The following LMO4 variants were observed in gnomAD, a reference collection of about 807,000 sequenced individuals.
LMO4 encodes the protein LIM domain only 4.
LMO4 carries 3 observed loss-of-function variants against 18.5 expected under a neutral mutation model. The ratio of observed to expected loss-of-function variants is 0.16; its 90% CI spans 0.07 to 0.42. LMO4 has a LOEUF of 0.42. LMO4 is among the 10% of genes least tolerant of loss of function. The probability of loss-of-function intolerance (pLI) is 0.99; values close to 1 mark genes in which losing one functional copy is unlikely to be tolerated. For synonymous variants in LMO4, 100 were observed against 88.1 expected (o/e 1.14, Z -0.76); for missense variants, 121 against 219.9 (o/e 0.55, Z 2.84).
intron 4 of LMO4, 115 bp from the exon 5 acceptor site, chr1:87,344,673 G>A: frequency 1.9e-6 from 2 of 1,030,136 alleles, no homozygotes; most frequent in Non-Finnish European, 3.0e-6. Context: ...CAGTTGGAAA[G>A]TAATCTAATA....
intron 1 of LMO4, 134 bp from the exon 2 acceptor site, chr1:87,331,879 C>A (rs1650164259): frequency 4.3e-6 from 3 of 695,128 alleles, no homozygotes; most frequent in Non-Finnish European, 4.8e-6. Flanking sequence ...TCCTTCCCGC[C>A]CTTGCCCTGC....
At position 87,332,174 on chromosome 1, in the gene LMO4, C is replaced by T. The variant is rs1396759971; in HGVS notation, c.159C>T (p.Cys53=). The T allele has an allele frequency of 6.2e-7, 1 of 1,614,186 alleles. No homozygotes were observed. The highest frequency in any genetic ancestry group is 1.1e-5 in the South Asian group (1 of 91,086). The change falls in exon 2 of 5, where the codon TGC becomes TGT. Residue 53 remains cysteine, a synonymous_variant. Transcript: ENST00000370544. ...GCCGGTGCCTCAAGTGCTCCTGCTG[C>T]CAGGCGCAGCTGGGCGACATCGGCA... The part of the protein sequence containing the change: ...WHSRCLKCSC[C]QAQLGDIGTS...
intron 4 of LMO4, among the ~76,000 whole-genome samples, 200 bp downstream of exon 4, chr1:87,340,402 CCTGA>C (rs1650443798): frequency 6.6e-6 from 1 of 152,098 alleles, no homozygotes; most frequent in African/African-American, 2.4e-5. Flanking sequence ...AAAAAAAAAT[CCTGA>C]CTTTGTTATA....
chr1:87,333,358 G>GAAT (rs1650206353), intron 2 of LMO4, among the ~76,000 whole-genome samples: 1 of 151,426 alleles, frequency 6.6e-6, no homozygotes, highest in Non-Finnish European at 1.5e-5. Context: ...ACACTTTTAA[G>GAAT]AATTTCATCC....
chr1:87,331,850 T>TGATGTGTAGA, intron 1 of LMO4, 163 bp from the exon 2 acceptor site: 1 of 596,240 alleles, frequency 1.7e-6, no homozygotes, highest in Non-Finnish European at 2.9e-6. Context: ...GCCTCCCTTC[T>TGATGTGTAGA]TCCCTCTCCC....
intron 2 of LMO4, among the ~76,000 whole-genome samples, chr1:87,332,832 A>G (rs1267496387): frequency 1.3e-5 from 2 of 152,236 alleles, no homozygotes; most frequent in African/African-American, 4.8e-5. Flanking sequence ...TAGAGAAAAA[A>G]AAAGTCCCAA....
At position 87,329,050 on chromosome 1, in the gene LMO4, G is replaced by T. The variant is rs1412738240; in HGVS notation, c.-198G>T. 1.4e-5 allele frequency: 2 copies of T among 144,552 alleles called. No individual in the cohort carries two copies. The highest frequency in any genetic ancestry group is 1.4e-4 in the Admixed American group (2 of 14,552). The allele number at this position is 144,552 out of a possible 1,614,324, so 9.0% of individuals were successfully genotyped here. A position where few individuals can be genotyped will look rare whatever the true frequency, so the allele number is the denominator to read the frequency against. Reference sequence around the variant, plus strand: ...CACTTACGCGGGGGCCCCCCAACCCGCCCCAGAGCAACGCGATTTAAAAAA... The same window carrying T: ...CACTTACGCGGGGGCCCCCCAACCCTCCCCAGAGCAACGCGATTTAAAAAA... On this transcript the variant is annotated 5_prime_UTR_variant, in exon 1 of 5. Coordinates refer to ENST00000370544, the MANE Select transcript of LMO4 (RefSeq NM_006769.4).
At position 87,340,043 on chromosome 1, in the gene LMO4, T is replaced by A; in HGVS notation, c.334-4T>A. ...TTTTCAGTGGGTTTGTTTTTCCCTT[T>A]CAGTGTTTTACATGCTCTACCTGCC... On this transcript the variant is annotated splice_region_variant and splice_polypyrimidine_tract_variant and intron_variant, in intron 3 of 4. Transcript: ENST00000370544. The A allele has an allele frequency of 2.5e-6, 4 of 1,608,424 alleles. No individual in the cohort carries two copies. The highest frequency in any genetic ancestry group is 3.4e-6 in the Non-Finnish European group (4 of 1,178,268).
intron 4 of LMO4, among the ~76,000 whole-genome samples, chr1:87,341,955 T>C (rs1264537673): frequency 6.6e-6 from 1 of 152,194 alleles, no homozygotes; most frequent in Admixed American, 6.5e-5. Flanking sequence ...CTATTCAGAA[T>C]AGAGGTAAAG....
intron 1 of LMO4, among the ~76,000 whole-genome samples, chr1:87,329,960 C>T (rs1207397796): frequency 6.6e-6 from 1 of 150,658 alleles, no homozygotes; most frequent in African/African-American, 2.4e-5. Flanking sequence ...AATTGCTTGG[C>T]TATGTAATTA....
Position 87,344,923 on chromosome 1 carries a change from C to T in LMO4, c.*127C>T, listed in dbSNP as rs972817396. 16 of 839,650 alleles carry T rather than the reference C, an allele frequency of 1.9e-5. No individual in the cohort carries two copies. The Admixed American group carries it at 3.4e-4, about 18-fold the overall frequency. 52.0% of individuals were successfully genotyped at this position (839,650 alleles called of 1,614,324 possible). On this transcript the variant is annotated 3_prime_UTR_variant, in exon 5 of 5. Transcript: ENST00000370544. ...CAGTGCCAGCTCCATGCCATTGCAC[C>T]TTCTTTAGTCTTGATTGCCCTTCCC...
At chr1:87,330,009 T>G (rs906550816) in intron 1 of LMO4, among the ~76,000 whole-genome samples, 1 of 151,258 alleles carries the variant, frequency 6.6e-6, no homozygotes, top group Admixed American at 6.6e-5. Flanking sequence ...GCTTTCTTTT[T>G]TTTTTTTTTT....
chr1:87,344,112 G>A (rs57946691), intron 4 of LMO4, among the ~76,000 whole-genome samples: 2,333 of 152,190 alleles, frequency 0.015, 51 homozygotes, highest in African/African-American at 0.054. Flanking sequence ...ATAAGAAATA[G>A]TGAAAAATAT....
chr1:87,329,067 T>C lies in LMO4; in HGVS notation c.-181T>C, dbSNP rs976150294. The C allele has an allele frequency of 2.2e-5, 3 of 137,214 alleles. No homozygotes were observed. Among genetic ancestry groups the C allele is most frequent in the African/African-American group, 9.1e-5 (3 of 32,866 alleles). The allele number at this position is 137,214 out of a possible 1,614,324, so 8.5% of individuals were successfully genotyped here. A position where few individuals can be genotyped will look rare whatever the true frequency, so the allele number is the denominator to read the frequency against. On this transcript the variant is annotated 5_prime_UTR_variant, in exon 1 of 5. Transcript: ENST00000370544. ...CCCAACCCGCCCCAGAGCAACGCGA[T>C]TTAAAAAAAAAAAAAAAGCCGCCCT...
chr1:87,331,777 G>A (rs1402538975), intron 1 of LMO4: 2 of 550,666 alleles, frequency 3.6e-6, no homozygotes, highest in Non-Finnish European at 6.4e-6. Flanking sequence ...CAGGAAAGTT[G>A]AGAGGAGCTC....
chr1:87,332,096 G>A lies in LMO4; in HGVS notation c.81G>A (p.Gly27=). The A allele has an allele frequency of 2.5e-6, 4 of 1,613,992 alleles. No individual in the cohort carries two copies. In the South Asian group the frequency reaches 3.3e-5, roughly 13 times the overall value. The change falls in exon 2 of 5, where the codon GGG becomes GGA. Residue 27 remains glycine, a synonymous_variant. Transcript: ENST00000370544. ...SLSWKRCAGC[G]GKIADRFLLY... ...CCTGGAAGCGGTGCGCAGGCTGCGG[G>A]GGCAAGATTGCGGACCGCTTTCTGC...
chr1:87,335,411 C>T (rs1447489498), intron 2 of LMO4, among the ~76,000 whole-genome samples: 1 of 151,822 alleles, frequency 6.6e-6, no homozygotes, highest in African/African-American at 2.4e-5. Context: ...CGGCGCCGCC[C>T]GAGGCCGCAG....
rs189287045 is a variant in LMO4, at chr1:87,340,467, C to A, written c.489+265C>A. Among the ~76,000 whole-genome samples the A allele has an allele frequency of 3.4e-3, 519 of 152,192 alleles. 4 individuals are homozygous for A. The highest frequency in any genetic ancestry group is 4.7e-3 in the Non-Finnish European group (317 of 67,986). ...TAAGATTATCACATGCAAAAGCAAA[C>A]AAAATGTAAAGCTTCCATATAACTG... On this transcript the variant is annotated intron_variant, in intron 4 of 4. Transcript: ENST00000370544.
intron 4 of LMO4, among the ~76,000 whole-genome samples, chr1:87,344,457 T>G (rs542934118): frequency 1.2e-4 from 18 of 152,158 alleles, no homozygotes; most frequent in Non-Finnish European, 2.5e-4. Flanking sequence ...AAATTCAAGA[T>G]CCCACTGCTG....
Sources: gnomAD v4.1 joint callset for allele counts (sites outside exome capture counted in the v4.1 genomes callset) on GRCh38, gnomAD v4.1.1 for gene constraint, MANE v1.5 for transcripts, NCBI Gene and HGNC (gene_info 2026-07-23, HGNC 2026-07-21) for gene names.